The following LIPH variants were observed in gnomAD, a reference collection of about 807,000 sequenced individuals.
The protein encoded by LIPH is lipase H.
LIPH carries 32 observed loss-of-function variants against 47.6 expected under a neutral mutation model. The observed-to-expected ratio is 0.67, with a 90% CI of 0.51 to 0.90. The LOEUF (loss-of-function observed/expected upper bound fraction) is 0.90. LIPH is among the 40% of genes least tolerant of loss of function. The pLI is 0.00. For synonymous variants in LIPH, 190 were observed against 195.6 expected (o/e 0.97, Z 0.24); for missense variants, 497 against 541.4 (o/e 0.92, Z 0.81).
intron 2 of LIPH, among the ~76,000 whole-genome samples, chr3:185,534,516 T>C (rs1720440844): frequency 6.6e-6 from 1 of 152,192 alleles, no homozygotes; most frequent in Admixed American, 6.6e-5. Flanking sequence ...ATAATAAATA[T>C]ATAAATCTAT....
intron 7 of LIPH, among the ~76,000 whole-genome samples, chr3:185,515,891 G>A (rs1719716478): frequency 1.3e-5 from 2 of 152,166 alleles, no homozygotes; most frequent in South Asian, 4.1e-4. Flanking sequence ...TGTAATCCCA[G>A]CACTAAGGCA....
chr3:185,530,250 G>C, intron 3 of LIPH, among the ~76,000 whole-genome samples: 1 of 151,868 alleles, frequency 6.6e-6, no homozygotes, highest in Middle Eastern at 3.2e-3. Context: ...AGGCTGAGGT[G>C]GTTGGATCAC....
intron 9 of LIPH, among the ~76,000 whole-genome samples, chr3:185,509,933 CT>C (rs1189055178): frequency 7.1e-6 from 1 of 141,412 alleles, no homozygotes; most frequent in Admixed American, 7.5e-5. Context: ...CCTAAACTTT[CT>C]TTTTTTGTTT....
intron 2 of LIPH, among the ~76,000 whole-genome samples, chr3:185,534,354 CAA>C (rs1213602530): frequency 1.6e-5 from 2 of 125,750 alleles, no homozygotes; most frequent in Admixed American, 8.3e-5. Flanking sequence ...GATTCCGTCT[CAA>C]AAAAAAAAAA....
At chr3:185,532,765 G>C (rs1720373954) in intron 3 of LIPH, among the ~76,000 whole-genome samples, 1 of 151,994 alleles carries the variant, frequency 6.6e-6, no homozygotes, top group Non-Finnish European at 1.5e-5. Flanking sequence ...ACTCCAGCCT[G>C]GGTGACAGAG....
chr3:185,523,734 T>G (rs552541291), intron 5 of LIPH, among the ~76,000 whole-genome samples: 2 of 151,746 alleles, frequency 1.3e-5, no homozygotes, highest in Admixed American at 1.3e-4. Context: ...TAATTTTTAT[T>G]TTTTTGAGAT....
Position 185,519,247 on chromosome 3 carries a change from C to G in LIPH, c.781G>C (p.Glu261Gln), listed in dbSNP as rs1719826899. 2.5e-6 allele frequency: 4 copies of G among 1,612,726 alleles called. No homozygotes were observed. The African/African-American group carries it at 5.3e-5, about 22-fold the overall frequency. ...GGATACGCAGTGATGGTGCAGCTCT[C>G]TCTCAGGGAAGACAGGTACAGGTAT... ...SVYLYLSSLRESCTITAYPCD... is the reference protein window; with the variant it reads ...SVYLYLSSLRQSCTITAYPCD... The change falls in exon 6 of 10, where the codon GAG becomes CAG. Residue 261 changes from glutamate (E) to glutamine (Q), a missense_variant. Physicochemically the swap from Glu to Gln is conservative, Grantham distance 29. Transcript: ENST00000296252.
chr3:185,510,071 C>T (rs1432052760), intron 9 of LIPH, among the ~76,000 whole-genome samples: 2 of 151,632 alleles, frequency 1.3e-5, no homozygotes, highest in East Asian at 3.9e-4. Context: ...CTCAGCCTCC[C>T]GAGTAGCTGG....
At chr3:185,514,910 C>A (rs1719679505) in intron 7 of LIPH, among the ~76,000 whole-genome samples, 1 of 152,158 alleles carries the variant, frequency 6.6e-6, no homozygotes. Context: ...TGGGCCAAGT[C>A]CACCAGCCTA....
rs1337648071 is a variant in LIPH, at chr3:185,519,221, G to C, written c.807C>G (p.Pro269=). Reference sequence around the variant, plus strand: ...TCCTATAATCCTGGTAGGAGTCACAGGGATACGCAGTGATGGTGCAGCTCT... The same window carrying C: ...TCCTATAATCCTGGTAGGAGTCACACGGATACGCAGTGATGGTGCAGCTCT... ...LRESCTITAY[P]CDSYQDYRNG... is the part of the protein sequence containing the mutation. Residue 269 remains proline (P), a synonymous_variant, in exon 6 of 10, where the codon CCC becomes CCG. Coordinates refer to ENST00000296252, the MANE Select transcript of LIPH (RefSeq NM_139248.3). The C allele has an allele frequency of 6.2e-6, 10 of 1,612,612 alleles. No homozygotes were observed. The highest frequency in any genetic ancestry group is 8.5e-6 in the Non-Finnish European group (10 of 1,178,736).
chr3:185,513,208 C>T (rs1341129556), intron 8 of LIPH, among the ~76,000 whole-genome samples: 1 of 152,024 alleles, frequency 6.6e-6, no homozygotes, highest in East Asian at 1.9e-4. Flanking sequence ...GGCATGGTGG[C>T]TCACGCTTGT....
chr3:185,538,894 T>C (rs1350335105), intron 1 of LIPH, among the ~76,000 whole-genome samples: 6 of 59,234 alleles, frequency 1.0e-4, no homozygotes, highest in East Asian at 7.7e-4. Context: ...CATATATACG[T>C]ATATACACAT....
chr3:185,530,675 A>T (rs964189543), intron 3 of LIPH, among the ~76,000 whole-genome samples: 1 of 152,022 alleles, frequency 6.6e-6, no homozygotes, highest in African/African-American at 2.4e-5. Context: ...GTCTCAAAAA[A>T]ACAAAAATAA....
chr3:185,546,001 CAA>C (rs529961219), intron 1 of LIPH, among the ~76,000 whole-genome samples: 4 of 130,388 alleles, frequency 3.1e-5, no homozygotes, highest in East Asian at 2.2e-4. Flanking sequence ...ACTAAAAATA[CAA>C]AAAAAAAAAA....
At chr3:185,537,931 C>A (rs1720551290) in intron 1 of LIPH, among the ~76,000 whole-genome samples, 1 of 152,138 alleles carries the variant, frequency 6.6e-6, no homozygotes, top group African/African-American at 2.4e-5. Flanking sequence ...CTCAACCTCC[C>A]AAGTAGCTGG....
intron 3 of LIPH, among the ~76,000 whole-genome samples, chr3:185,528,323 G>GAGAAAGAAAGAAAGAAAGAAAGA (rs1553822828): frequency 8.0e-6 from 1 of 125,514 alleles, no homozygotes; most frequent in Admixed American, 8.9e-5. Context: ...AAGAAAGAAA[G>GAGAAAGAAAGAAAGAAAGAAAGA]AAGAAAGAAA....
intron 7 of LIPH, among the ~76,000 whole-genome samples, chr3:185,516,385 A>C (rs1344199626): frequency 2.0e-5 from 3 of 152,186 alleles, no homozygotes; most frequent in Non-Finnish European, 4.4e-5. Flanking sequence ...GTGAGCTGAG[A>C]TTGCGCCACT....
intron 7 of LIPH, among the ~76,000 whole-genome samples, chr3:185,514,737 G>C (rs975773651): frequency 1.3e-5 from 2 of 152,180 alleles, no homozygotes; most frequent in Non-Finnish European, 2.9e-5. Flanking sequence ...TTGGTTTCCA[G>C]TCACCATGGT....
chr3:185,545,715 CAAA>C (rs1577691425), intron 1 of LIPH, among the ~76,000 whole-genome samples: 7 of 151,248 alleles, frequency 4.6e-5, no homozygotes, highest in African/African-American at 1.7e-4. Flanking sequence ...CTCCATAAAA[CAAA>C]AAAACAAAAA....
Sources: gnomAD v4.1 joint callset for allele counts (sites outside exome capture counted in the v4.1 genomes callset) on GRCh38, gnomAD v4.1.1 for gene constraint, MANE v1.5 for transcripts, NCBI Gene and HGNC (gene_info 2026-07-23, HGNC 2026-07-21) for gene names.